PARD3: variants seen among roughly 807,000 people sequenced by gnomAD.
PARD3 encodes the protein par-3 family cell polarity regulator.
A neutral mutation model predicts 155.4 loss-of-function variants in PARD3; 75 were observed. That is an observed-to-expected ratio of 0.48 (90% CI 0.40 to 0.58). PARD3 has a LOEUF of 0.58. Among genes scored for constraint, PARD3 ranks in the 20% least tolerant of loss-of-function variants. The probability of loss-of-function intolerance (pLI) is 0.00; values close to 1 mark genes in which losing one functional copy is unlikely to be tolerated. For synonymous variants in PARD3, 576 were observed against 610.5 expected (o/e 0.94, Z 0.83); for missense variants, 1,642 against 1,721.7 (o/e 0.95, Z 0.82).
intron 2 of PARD3, chr10:34,663,800 T>C (rs1255380570): frequency 1.3e-5 from 2 of 150,666 alleles, no homozygotes; most frequent in Non-Finnish European, 1.5e-5. Context: ...CCCAAAGAAT[T>C]CTTTAAAAGA....
At chr10:34,636,777 C>A (rs1264750789) in intron 2 of PARD3, among the ~76,000 whole-genome samples, 1 of 152,204 alleles carries the variant, frequency 6.6e-6, no homozygotes, top group Non-Finnish European at 1.5e-5. Context: ...ACAGGAAAGA[C>A]CCGATGCCGT....
chr10:34,593,000 G>A (rs978142393), intron 2 of PARD3, among the ~76,000 whole-genome samples: 6 of 152,134 alleles, frequency 3.9e-5, no homozygotes, highest in African/African-American at 1.4e-4. Context: ...CATGCAGAAG[G>A]GAATGAAATG....
At chr10:34,516,235 G>T (rs2081755763) in intron 3 of PARD3, among the ~76,000 whole-genome samples, 1 of 152,132 alleles carries the variant, frequency 6.6e-6, no homozygotes, top group South Asian at 2.1e-4. Context: ...AAAGTGCTGG[G>T]ATTATAGGCA....
At chr10:34,276,390 C>A (rs1030217966) in intron 21 of PARD3, among the ~76,000 whole-genome samples, 12 of 152,112 alleles carry the variant, frequency 7.9e-5, no homozygotes. Context: ...TGCTAACAGT[C>A]TCTCTTCAGC....
At chr10:34,634,314 G>A (rs529629620) in intron 2 of PARD3, among the ~76,000 whole-genome samples, 3 of 152,262 alleles carry the variant, frequency 2.0e-5, no homozygotes, top group East Asian at 1.9e-4. Flanking sequence ...AGAACAGTAC[G>A]TATAGCGGGA....
chr10:34,493,819 C>A (rs1485986627), intron 3 of PARD3, among the ~76,000 whole-genome samples: 1 of 152,008 alleles, frequency 6.6e-6, no homozygotes, highest in African/African-American at 2.4e-5. Context: ...ACTCAAAAAT[C>A]TTCACGTTCG....
At chr10:34,410,192 C>T (rs916183881) in intron 5 of PARD3, among the ~76,000 whole-genome samples, 12 of 152,126 alleles carry the variant, frequency 7.9e-5, no homozygotes, top group African/African-American at 2.9e-4. Context: ...TTCTATGGCA[C>T]AAAAGTTCAG....
At position 34,654,737 on chromosome 10, in the gene PARD3, T is replaced by C. The variant is rs1397336962; in HGVS notation, c.222+41581A>G. Among the ~76,000 whole-genome samples, 3 of 152,138 alleles carry C rather than the reference T, an allele frequency of 2.0e-5. No individual in the cohort carries two copies. The East Asian group carries it at 5.8e-4, about 29-fold the overall frequency. Reference sequence around the variant, plus strand: ...CTTCCATCCTACAGCTCCTCCCAAGTCACTCTCCCGCAGACACTCTGCCGT... The same window carrying C: ...CTTCCATCCTACAGCTCCTCCCAAGCCACTCTCCCGCAGACACTCTGCCGT... On this transcript the variant is annotated intron_variant, in intron 2 of 24. Transcript: ENST00000374788.
At chr10:34,117,809 GC>G (rs1946766812) in intron 24 of PARD3, among the ~76,000 whole-genome samples, 1 of 152,202 alleles carries the variant, frequency 6.6e-6, no homozygotes, top group Non-Finnish European at 1.5e-5. Context: ...TATTTGGGAG[GC>G]TAAGGCATGA....
intron 2 of PARD3, among the ~76,000 whole-genome samples, chr10:34,636,430 G>A (rs1277898666): frequency 2.0e-5 from 3 of 152,326 alleles, no homozygotes; most frequent in Non-Finnish European, 4.4e-5. Context: ...TTCACTGGGT[G>A]CCCCCTGTCC....
intron 2 of PARD3, among the ~76,000 whole-genome samples, chr10:34,694,003 CA>C (rs1413969862): frequency 2.0e-5 from 3 of 152,068 alleles, no homozygotes; most frequent in Non-Finnish European, 2.9e-5. Context: ...AAATCTCAAA[CA>C]ACAGTGATAA....
chr10:34,287,976 C>T (rs892947492), intron 20 of PARD3, among the ~76,000 whole-genome samples: 2 of 152,062 alleles, frequency 1.3e-5, no homozygotes, highest in Admixed American at 6.5e-5. Context: ...TTTGGGAGGT[C>T]GCCGTGGACA....
At chr10:34,117,682 T>TG (rs772322146) in intron 24 of PARD3, among the ~76,000 whole-genome samples, 1 of 152,018 alleles carries the variant, frequency 6.6e-6, no homozygotes, top group Non-Finnish European at 1.5e-5. Context: ...GGGGCTAAGG[T>TG]GGGCAGATCA....
At chr10:34,570,625 G>A (rs935934456) in intron 2 of PARD3, among the ~76,000 whole-genome samples, 4 of 152,146 alleles carry the variant, frequency 2.6e-5, no homozygotes, top group East Asian at 1.9e-4. Flanking sequence ...AAAAATCACG[G>A]AGAACTCCAG....
chr10:34,723,771 G>A (rs768779728), intron 1 of PARD3, among the ~76,000 whole-genome samples: 2 of 152,098 alleles, frequency 1.3e-5, no homozygotes, highest in African/African-American at 2.4e-5. Context: ...TATTGATCAC[G>A]GCGATGCAGC....
At position 34,284,176 on chromosome 10, in the gene PARD3, T is replaced by C. The variant is rs1314418860; in HGVS notation, c.3135A>G (p.Thr1045=). 36 of 1,610,020 alleles carry C rather than the reference T, an allele frequency of 2.2e-5. No individual in the cohort carries two copies. Among genetic ancestry groups the C allele is most frequent in the Non-Finnish European group, 3.1e-5 (36 of 1,177,796 alleles). ...TGKIKIQESF[T]SEEERIRMKQ... is the part of the protein sequence containing the mutation. ...TCATTCGTATCCTCTCCTCTTCTGA[T>C]GTAAAGGATTCCTGTATTTTTATTT... Residue 1045 remains threonine (T), a synonymous_variant, in exon 21 of 25, where the codon ACA becomes ACG. Coordinates refer to ENST00000374788, the MANE Select transcript of PARD3 (RefSeq NM_001184785.2).
At chr10:34,590,833 A>G (rs2088610849) in intron 2 of PARD3, among the ~76,000 whole-genome samples, 1 of 152,284 alleles carries the variant, frequency 6.6e-6, no homozygotes, top group South Asian at 2.1e-4. Context: ...GAAACCTCAT[A>G]AACGCTGTGT....
intron 2 of PARD3, among the ~76,000 whole-genome samples, chr10:34,681,494 G>A (rs1406083919): frequency 2.0e-5 from 3 of 151,262 alleles, no homozygotes; most frequent in Admixed American, 6.6e-5. Context: ...CTACATATGG[G>A]ACTTTTCTTG....
chr10:34,302,047 CA>C (rs1957179933), intron 20 of PARD3, among the ~76,000 whole-genome samples: 1 of 152,056 alleles, frequency 6.6e-6, no homozygotes, highest in Non-Finnish European at 1.5e-5. Context: ...TAAACTTTAT[CA>C]AGCTATTCTC....
Sources: allele counts gnomAD v4.1 joint callset (sites outside exome capture counted in the v4.1 genomes callset), GRCh38; gene constraint gnomAD v4.1.1; transcripts MANE v1.5; gene names NCBI Gene and HGNC (gene_info 2026-07-23, HGNC 2026-07-21).